Variants in FGF2 observed in about 807,000 individuals in gnomAD.
FGF2 encodes basic fibroblast growth factor bFGF.
A neutral mutation model predicts 15.9 loss-of-function variants in FGF2; 13 were observed. That is an observed-to-expected ratio of 0.82 (90% confidence interval 0.53 to 1.30). The LOEUF (loss-of-function observed/expected upper bound fraction) is 1.30. Ranked by LOEUF, FGF2 falls within the 50% of genes most tolerant of loss-of-function variation. FGF2 has a pLI of 0.00. For synonymous variants in FGF2, 90 were observed against 78.4 expected (o/e 1.15, Z -0.78); for missense variants, 163 against 196.9 (o/e 0.83, Z 1.03).
intron 1 of FGF2, among the ~76,000 whole-genome samples, chr4:122,845,192 CAGT>C: frequency 6.6e-6 from 1 of 152,108 alleles, no homozygotes; most frequent in African/African-American, 2.4e-5. Context: ...TTTTTTTGAG[CAGT>C]AGTCTCAAAA....
intron 1 of FGF2, among the ~76,000 whole-genome samples, chr4:122,843,108 A>G (rs1726032795): frequency 6.6e-6 from 1 of 152,178 alleles, no homozygotes; most frequent in African/African-American, 2.4e-5. Flanking sequence ...AGGGCAATAA[A>G]ATGTTTTGCC....
chr4:122,895,750 C>G lies in FGF2; in HGVS notation c.*3354C>G, dbSNP rs1003296875. 9.2e-5 allele frequency: 14 copies of G among 152,080 alleles called. No individual in the cohort carries two copies. Among genetic ancestry groups the G allele is most frequent in the African/African-American group, 3.4e-4 (14 of 41,408 alleles). 9.4% of individuals were successfully genotyped at this position (152,080 alleles called of 1,614,324 possible). On this transcript the variant is annotated 3_prime_UTR_variant, in exon 3 of 3. Transcript: ENST00000644866. ...CTATGGATAACAATTCTTCATTTACCTAGTATTATGAAAGAATGAAGGAGT... is the reference window on the plus strand; with the variant it reads ...CTATGGATAACAATTCTTCATTTACGTAGTATTATGAAAGAATGAAGGAGT...
chr4:122,863,931 A>G (rs9997559), intron 1 of FGF2, among the ~76,000 whole-genome samples: 21,250 of 151,832 alleles, frequency 0.14, 1,612 homozygotes, highest in Middle Eastern at 0.23. Flanking sequence ...CAGGCCTGCA[A>G]CATTTTCAAG....
At position 122,827,608 on chromosome 4, in the gene FGF2, C is replaced by T. The variant is rs1725671175; in HGVS notation, c.178+256C>T. Among the ~76,000 whole-genome samples the T allele has an allele frequency of 1.3e-5, 2 of 151,982 alleles. No individual in the cohort carries two copies. The highest frequency in any genetic ancestry group is 1.9e-4 in the East Asian group (1 of 5,134). ...GTAAACCAGTACCCCCGGCCCGGAG[C>T]CGCGGCGCGCCGGGGCCTCGCGGAC... On this transcript the variant is annotated intron_variant, in intron 1 of 2. Transcript: ENST00000644866. This position sits in a 1 kb window ranked among gnomAD's most constrained non-coding sequence, Gnocchi z 4.2.
intron 2 of FGF2, chr4:122,890,234 G>A (rs1727139317): frequency 6.6e-6 from 1 of 151,978 alleles, no homozygotes; most frequent in African/African-American, 2.4e-5. Context: ...GGAATATATT[G>A]GTCTATATTA....
At chr4:122,844,569 CTTTTTCTTT>C (rs1726063807) in intron 1 of FGF2, among the ~76,000 whole-genome samples, 113 of 128,982 alleles carry the variant, frequency 8.8e-4, no homozygotes, top group South Asian at 2.1e-3. Flanking sequence ...TTCTTTCTTT[CTTTTTCTTT>C]CTTTCTTTCT....
chr4:122,888,010 A>G (rs956100979), intron 2 of FGF2, among the ~76,000 whole-genome samples: 2 of 152,242 alleles, frequency 1.3e-5, no homozygotes, highest in Non-Finnish European at 2.9e-5. Flanking sequence ...GTTGCATAGT[A>G]GGTGCTCAGT....
At chr4:122,891,518 A>T (rs1727188880) in intron 2 of FGF2, among the ~76,000 whole-genome samples, 1 of 151,238 alleles carries the variant, frequency 6.6e-6, no homozygotes, top group Admixed American at 6.6e-5. Context: ...TATGATACTT[A>T]CTTATTCCTC....
In FGF2 at chr4:122,897,861, G is replaced by A. The variant is rs1727412447; in HGVS notation, c.*5465G>A. 4 of 580,206 alleles carry A rather than the reference G, an allele frequency of 6.9e-6. No homozygotes were observed. Among genetic ancestry groups the A allele is most frequent in the Non-Finnish European group, 1.2e-5 (4 of 322,316 alleles). 35.9% of individuals were successfully genotyped at this position (580,206 alleles called of 1,614,324 possible). A position where few individuals can be genotyped will look rare whatever the true frequency, so the allele number is the denominator to read the frequency against. On this transcript the variant is annotated 3_prime_UTR_variant, in exon 3 of 3. Coordinates refer to ENST00000644866, the MANE Select transcript of FGF2 (RefSeq NM_001361665.2). ...GTTTCTTCTTTTTTTGGGGGAGCTG[G>A]TAACTGATGAAATCTTTTCCCACCT...
chr4:122,880,052 C>G (rs951070761), intron 2 of FGF2, among the ~76,000 whole-genome samples: 2 of 152,120 alleles, frequency 1.3e-5, no homozygotes, highest in African/African-American at 4.8e-5. Flanking sequence ...GTCCACAGTC[C>G]AACATCTCAT....
At chr4:122,836,156 C>T (rs1448562745) in intron 1 of FGF2, among the ~76,000 whole-genome samples, 5 of 152,218 alleles carry the variant, frequency 3.3e-5, no homozygotes, top group African/African-American at 1.2e-4. Flanking sequence ...TGCACTGGGA[C>T]TGTGAACTCT....
intron 1 of FGF2, among the ~76,000 whole-genome samples, chr4:122,838,597 G>C (rs755746691): frequency 6.6e-6 from 1 of 152,108 alleles, no homozygotes; most frequent in Non-Finnish European, 1.5e-5. Flanking sequence ...CCAGAATTCC[G>C]CATGGACAAA....
At chr4:122,845,084 G>A (rs1359252387) in intron 1 of FGF2, among the ~76,000 whole-genome samples, 1 of 152,232 alleles carries the variant, frequency 6.6e-6, no homozygotes, top group Non-Finnish European at 1.5e-5. Flanking sequence ...TGGATGTTGT[G>A]TTAGCAGGCA....
At chr4:122,863,615 C>A (rs761000577) in intron 1 of FGF2, among the ~76,000 whole-genome samples, 16 of 152,190 alleles carry the variant, frequency 1.1e-4, no homozygotes, top group Non-Finnish European at 2.2e-4. Context: ...ATATTCCCAG[C>A]CTTTTCATTT....
chr4:122,883,301 G>C (rs990747096), intron 2 of FGF2: 1 of 152,150 alleles, frequency 6.6e-6, no homozygotes, highest in Admixed American at 6.5e-5. Context: ...TTACCAATTA[G>C]AGTATGAAAA....
intron 1 of FGF2, among the ~76,000 whole-genome samples, chr4:122,871,781 C>G (rs866290832): frequency 1.1e-5 from 1 of 94,312 alleles, no homozygotes; most frequent in Non-Finnish European, 2.4e-5. Flanking sequence ...CATTGAAAGA[C>G]AAAAAAAAAA....
intron 2 of FGF2, chr4:122,882,255 T>C (rs1460077861): frequency 1.3e-5 from 2 of 152,210 alleles, no homozygotes; most frequent in Non-Finnish European, 2.9e-5. Flanking sequence ...TGGCTGAATA[T>C]TGATTCATTG....
In FGF2 at chr4:122,834,630, C is replaced by G. The variant is rs148249235; in HGVS notation, c.178+7278C>G. Reference sequence around the variant, plus strand: ...GGTTCTCCTTTTGAAACTGCCTTTGCAAAAGTTATATCTGAGAAAATTATG... The same window carrying G: ...GGTTCTCCTTTTGAAACTGCCTTTGGAAAAGTTATATCTGAGAAAATTATG... On this transcript the variant is annotated intron_variant, in intron 1 of 2. Transcript: ENST00000644866. Among the ~76,000 whole-genome samples, 4 of 152,308 alleles carry G rather than the reference C, an allele frequency of 2.6e-5. No individual in the cohort carries two copies. In the East Asian group the frequency reaches 7.7e-4, roughly 29 times the overall value.
At chr4:122,857,434 C>T (rs1726364628) in intron 1 of FGF2, among the ~76,000 whole-genome samples, 1 of 152,196 alleles carries the variant, frequency 6.6e-6, no homozygotes, top group African/African-American at 2.4e-5. Context: ...TGGAATGCCA[C>T]AAGATGCTAA....
Sources: gnomAD v4.1 joint callset for allele counts (sites outside exome capture counted in the v4.1 genomes callset) on GRCh38, gnomAD v4.1.1 for gene constraint, Gnocchi (gnomAD v3.1) non-coding constraint, MANE v1.5 for transcripts, NCBI Gene and HGNC (gene_info 2026-07-23, HGNC 2026-07-21) for gene names.